Variants in SPANXN2 observed in about 807,000 individuals in gnomAD.
The protein encoded by SPANXN2 is sperm protein associated with the nucleus on the X chromosome N2.
A neutral mutation model predicts 2.0 loss-of-function variants in SPANXN2; 1 was observed. The ratio of observed to expected loss-of-function variants is 0.50; its 90% confidence interval spans 0.18 to 2.36. The LOEUF is 2.36. SPANXN2 is among the 30% of genes most tolerant of loss of function. The pLI, the probability that SPANXN2 is intolerant of heterozygous loss-of-function variation, is 0.26. For synonymous variants in SPANXN2, 43 were observed against 49.8 expected (o/e 0.86, Z 0.58); for missense variants, 88 against 116.7 (o/e 0.75, Z 1.13).
intron 1 of SPANXN2, among the ~76,000 whole-genome samples, chrX:143,717,638 T>C (rs1932291168): frequency 8.9e-6 from 1 of 112,254 alleles, no homozygotes; most frequent in East Asian, 2.8e-4. Context: ...ACCATTTCCA[T>C]GCCGGTTACT....
chrX:143,715,387 C>T (rs782629338), intron 1 of SPANXN2, among the ~76,000 whole-genome samples: 1 of 110,655 alleles, frequency 9.0e-6, no homozygotes, highest in South Asian at 4.0e-4. Context: ...CCCTCAGTCC[C>T]CTACCCCTAT....
At chrX:143,716,885 C>T (rs782293358) in intron 1 of SPANXN2, among the ~76,000 whole-genome samples, 1 of 111,816 alleles carries the variant, frequency 8.9e-6, no homozygotes, top group East Asian at 2.8e-4. Flanking sequence ...CTCTAATCAC[C>T]TTCCAGAGAC....
chrX:143,714,846 C>T (rs1247812047), intron 1 of SPANXN2, among the ~76,000 whole-genome samples: 1 of 111,602 alleles, frequency 9.0e-6, no homozygotes, highest in Non-Finnish European at 1.9e-5. Context: ...CTAAAAAATC[C>T]AAACCTAAAG....
chrX:143,719,733 A>C (rs1457255093), intron 1 of SPANXN2, among the ~76,000 whole-genome samples: 2 of 110,901 alleles, frequency 1.8e-5, no homozygotes, highest in Non-Finnish European at 3.8e-5. Flanking sequence ...CTTCTGTCTC[A>C]TCTTCCTCCA....
chrX:143,712,550 G>A (rs1932184464), intron 1 of SPANXN2, 51 bp from the exon 2 acceptor site: 2 of 1,100,447 alleles, frequency 1.8e-6, no homozygotes, highest in African/African-American at 3.7e-5. Context: ...GGGTGAATAG[G>A]GTAGAGACTG....
chrX:143,713,821 T>A (rs781860900), intron 1 of SPANXN2, among the ~76,000 whole-genome samples: 1 of 110,879 alleles, frequency 9.0e-6, no homozygotes, highest in Non-Finnish European at 1.9e-5. Flanking sequence ...AAATTCAACA[T>A]AATCTAAAAA....
chrX:143,712,090 T>A lies in SPANXN2; in HGVS notation c.488A>T (p.Glu163Val), dbSNP rs201847347. Reference sequence around the variant, plus strand: ...TTCAGATGAGTCTAGGTCTTCGTCCTCCTGTGAAGATCCTTCAGGTGGGTC... The same window carrying A: ...TTCAGATGAGTCTAGGTCTTCGTCCACCTGTGAAGATCCTTCAGGTGGGTC... The change falls in exon 2 of 2, where the codon GAG becomes GTG. Residue 163 changes from glutamate (E) to valine (V), a missense_variant. Physicochemically the swap from Glu to Val is moderately radical, Grantham distance 121. Coordinates refer to ENST00000598475, the Ensembl canonical transcript of SPANXN2. The A allele has an allele frequency of 3.3e-6, 4 of 1,211,111 alleles. No homozygotes were observed. The East Asian group carries it at 1.2e-4, about 36-fold the overall frequency.
rs1347722197 is a variant in SPANXN2, at chrX:143,718,026, A to G, written c.78+2565T>C. ...ACAATGGGCCAATTTGTTTCAGTTTAACCAACAGCTGGTAAAGGCTCTAAA... is the reference window on the plus strand; with the variant it reads ...ACAATGGGCCAATTTGTTTCAGTTTGACCAACAGCTGGTAAAGGCTCTAAA... On this transcript the variant is annotated intron_variant, in intron 1 of 1. Transcript: ENST00000598475. 5.4e-5 allele frequency among the ~76,000 whole-genome samples: 6 copies of G among 111,848 alleles called. No individual in the cohort carries two copies. In the East Asian group the frequency reaches 1.4e-3, roughly 26 times the overall value.
chrX:143,712,706 G>C (rs782120899), intron 1 of SPANXN2, among the ~76,000 whole-genome samples: 1 of 111,088 alleles, frequency 9.0e-6, no homozygotes, highest in African/African-American at 3.3e-5. Flanking sequence ...CAAACTGCAC[G>C]ATTTCGCAAG....
intron 1 of SPANXN2, among the ~76,000 whole-genome samples, chrX:143,712,761 G>T (rs1932189891): frequency 9.0e-6 from 1 of 111,457 alleles, no homozygotes; most frequent in African/African-American, 3.3e-5. Context: ...GACACTCCAT[G>T]GGGGCTCAGG....
exon 2 of SPANXN2, chrX:143,712,034 A>G: frequency 8.2e-7 from 1 of 1,212,224 alleles, no homozygotes; most frequent in Non-Finnish European, 1.1e-6. Flanking sequence ...TCCATGTTTG[A>G]CTAGTCCTCC....
intron 1 of SPANXN2, among the ~76,000 whole-genome samples, chrX:143,715,312 C>CGCAA (rs1469941596): frequency 9.2e-6 from 1 of 108,393 alleles, no homozygotes; most frequent in African/African-American, 3.4e-5. Context: ...CCCCTCTAGG[C>CGCAA]ACAGACTGGT....
chrX:143,716,744 G>A (rs1450242875), intron 1 of SPANXN2, among the ~76,000 whole-genome samples: 8 of 111,771 alleles, frequency 7.2e-5, no homozygotes, highest in Non-Finnish European at 1.3e-4. Flanking sequence ...TAGATGCACG[G>A]AAACTCCCTC....
At chrX:143,712,314 G>C in exon 2 of SPANXN2, 1 of 1,212,535 alleles carries the variant, frequency 8.2e-7, no homozygotes, top group East Asian at 3.0e-5. Context: ...CTGAGTCTAG[G>C]CCTTCGTCCT....
chrX:143,712,432 T>C (rs781830958), exon 2 of SPANXN2: 1 of 1,212,379 alleles, frequency 8.2e-7, no homozygotes, highest in Admixed American at 2.2e-5. Context: ...TATTGTTAGA[T>C]ATTCTATTGT....
intron 1 of SPANXN2, among the ~76,000 whole-genome samples, chrX:143,713,199 A>G (rs1167410865): frequency 5.4e-5 from 6 of 111,414 alleles, no homozygotes; most frequent in African/African-American, 2.0e-4. Context: ...GCAACCTGGA[A>G]AGCAGCAAGC....
At chrX:143,713,547 G>C (rs1932204110) in intron 1 of SPANXN2, among the ~76,000 whole-genome samples, 2 of 111,340 alleles carry the variant, frequency 1.8e-5, no homozygotes, top group South Asian at 7.7e-4. Context: ...TCCCTTCTTA[G>C]GGTACACCTT....
At chrX:143,720,454 G>C in intron 1 of SPANXN2, 137 bp downstream of exon 1, 2 of 524,505 alleles carry the variant, frequency 3.8e-6, no homozygotes, top group Non-Finnish European at 5.9e-6. Flanking sequence ...GCCTGTAAGC[G>C]GCGGTGGGTT....
At chrX:143,717,809 G>A (rs1238130113) in intron 1 of SPANXN2, among the ~76,000 whole-genome samples, 9 of 111,421 alleles carry the variant, frequency 8.1e-5, no homozygotes, top group African/African-American at 2.9e-4. Flanking sequence ...CACTTACTAG[G>A]GCAGGACTAG....
Sources: gnomAD v4.1 joint callset for allele counts (sites outside exome capture counted in the v4.1 genomes callset) on GRCh38, gnomAD v4.1.1 for gene constraint, MANE v1.5 for transcripts, NCBI Gene and HGNC (gene_info 2026-07-23, HGNC 2026-07-21) for gene names.